Variants in CRYZL1 observed in about 807,000 individuals in gnomAD.
CRYZL1 encodes the protein crystallin zeta like 1, also known as ferry endosomal RAB5 effector complex subunit 4.
CRYZL1 carries 34 observed loss-of-function variants against 50.6 expected under a neutral mutation model. That is an observed-to-expected ratio of 0.67 (90% CI 0.51 to 0.89). CRYZL1 has a LOEUF of 0.89. Ranked by LOEUF, CRYZL1 falls within the 40% of genes least tolerant of loss-of-function variation. The pLI is 0.00. For missense variants in CRYZL1, 354 were observed against 402.3 expected, an observed-to-expected ratio of 0.88 and a Z score of 1.03; for synonymous variants, 125 against 134.3, an observed-to-expected ratio of 0.93 and a Z score of 0.48.
At chr21:33,635,708 G>A (rs1043655247) in intron 1 of CRYZL1, among the ~76,000 whole-genome samples, 7 of 2,206 alleles carry the variant, frequency 3.2e-3, no homozygotes, top group African/African-American at 7.8e-3. Context: ...TGTATAGGCC[G>A]GGCATGGTGC....
intron 9 of CRYZL1, 73 bp from the exon 10 acceptor site, chr21:33,597,474 T>A (rs865955510): frequency 1.3e-5 from 16 of 1,200,916 alleles, no homozygotes; most frequent in Middle Eastern, 5.4e-4. Flanking sequence ...AAAAATTTAT[T>A]CTTCAAACAA....
At chr21:33,604,228 G>A (rs1018640884) in intron 6 of CRYZL1, among the ~76,000 whole-genome samples, 15 of 152,250 alleles carry the variant, frequency 9.9e-5, no homozygotes, top group Non-Finnish European at 1.9e-4. Flanking sequence ...GGTGGCGGGC[G>A]CCTGTATTCC....
At chr21:33,615,972 G>A (rs1248499235) in intron 5 of CRYZL1, among the ~76,000 whole-genome samples, 2 of 152,110 alleles carry the variant, frequency 1.3e-5, no homozygotes, top group Non-Finnish European at 2.9e-5. Context: ...GGGTACATGT[G>A]CACATTGTGC....
intron 9 of CRYZL1, among the ~76,000 whole-genome samples, chr21:33,598,896 G>A (rs2086722540): frequency 6.6e-6 from 1 of 151,042 alleles, no homozygotes; most frequent in Non-Finnish European, 1.5e-5. Flanking sequence ...AATGTGGCCA[G>A]GGAAGCCAAA....
chr21:33,623,282 A>G (rs140807431), intron 3 of CRYZL1, among the ~76,000 whole-genome samples: 8 of 152,182 alleles, frequency 5.3e-5, no homozygotes, highest in East Asian at 1.9e-4. Context: ...TCTTTTATGC[A>G]CATTTGTATG....
At chr21:33,638,792 CTT>C (rs1396876084) in intron 1 of CRYZL1, among the ~76,000 whole-genome samples, 1 of 152,138 alleles carries the variant, frequency 6.6e-6, no homozygotes, top group Non-Finnish European at 1.5e-5. Flanking sequence ...GGCATTATAA[CTT>C]AAAACTAAAT....
At chr21:33,605,601 A>T (rs1439240805) in intron 6 of CRYZL1, among the ~76,000 whole-genome samples, 1 of 119,748 alleles carries the variant, frequency 8.4e-6, no homozygotes, top group Non-Finnish European at 1.6e-5. Flanking sequence ...GGCTCACTGC[A>T]CCCTCCCCCT....
Position 33,589,699 on chromosome 21 carries a change from G to A in CRYZL1, c.*123C>T. 1.5e-6 allele frequency: 1 copy of A among 657,302 alleles called. No homozygotes were observed. The highest frequency in any genetic ancestry group is 1.8e-5 in the African/African-American group (1 of 54,942). The allele number at this position is 657,302 out of a possible 1,614,324, so 40.7% of individuals were successfully genotyped here. A position where few individuals can be genotyped will look rare whatever the true frequency, so the allele number is the denominator to read the frequency against. ...CAACTGAGCATCTTGTCTTAGCAGA[G>A]AAACGTGCTTAAAAATGCAACTTGT... is the stretch of plus-strand genomic sequence containing the variant. On this transcript the variant is annotated 3_prime_UTR_variant, in exon 13 of 13. Transcript: ENST00000381554.
intron 4 of CRYZL1, among the ~76,000 whole-genome samples, chr21:33,617,675 C>T (rs2086949586): frequency 6.6e-6 from 1 of 151,872 alleles, no homozygotes; most frequent in Non-Finnish European, 1.5e-5. Flanking sequence ...GGTACGTGAT[C>T]GGGGGCTGCA....
chr21:33,620,768 C>T (rs1490350647), intron 4 of CRYZL1, among the ~76,000 whole-genome samples: 1 of 151,754 alleles, frequency 6.6e-6, no homozygotes, highest in African/African-American at 2.4e-5. Flanking sequence ...AGACATCACG[C>T]CACTGCACTC....
rs543591579 is a variant in CRYZL1 at position 33,618,893 on chromosome 21, C to T, written c.218-2143G>A. ...ATTCCAAAGGGTTCTTTGTTTACAT[C>T]TCTCCTCCTTTTCTACTCTATCCCT... On this transcript the variant is annotated intron_variant, in intron 4 of 12. Coordinates refer to ENST00000381554, the MANE Select transcript of CRYZL1 (RefSeq NM_145858.3). 2.2e-4 allele frequency among the ~76,000 whole-genome samples: 34 copies of T among 152,184 alleles called. 1 individual carries two copies. The highest frequency in any genetic ancestry group is 2.1e-3 in the South Asian group (10 of 4,818).
intron 6 of CRYZL1, among the ~76,000 whole-genome samples, chr21:33,605,696 A>G (rs746721967): frequency 6.7e-6 from 1 of 149,482 alleles, no homozygotes; most frequent in Non-Finnish European, 1.5e-5. Flanking sequence ...TAATTTTTGT[A>G]TTTTTTTAGT....
intron 11 of CRYZL1, among the ~76,000 whole-genome samples, chr21:33,593,447 T>C (rs1046636321): frequency 6.6e-6 from 1 of 152,188 alleles, no homozygotes; most frequent in Non-Finnish European, 1.5e-5. Context: ...ATAAATTTAC[T>C]AATTCACATC....
chr21:33,598,811 T>G (rs2086721517), intron 9 of CRYZL1, among the ~76,000 whole-genome samples: 1 of 151,946 alleles, frequency 6.6e-6, no homozygotes, highest in South Asian at 2.1e-4. Flanking sequence ...TTTGAGTTTT[T>G]TTTTTTTTTT....
chr21:33,641,520 G>A (rs955618433), intron 1 of CRYZL1, among the ~76,000 whole-genome samples, 161 bp downstream of exon 1: 4 of 152,174 alleles, frequency 2.6e-5, no homozygotes, highest in Non-Finnish European at 5.9e-5. Context: ...CCACCCCTCA[G>A]CGGCCTCAGC....
At chr21:33,641,198 C>T (rs1159972385) in intron 1 of CRYZL1, 4 of 1,550,466 alleles carry the variant, frequency 2.6e-6, no homozygotes, top group East Asian at 2.4e-5. Context: ...CAGATGATTC[C>T]GCCGTTTAGC....
At position 33,602,292 on chromosome 21, in the gene CRYZL1, A is replaced by G. The variant is rs149555906; in HGVS notation, c.519T>C (p.Ile173=). The part of the protein sequence containing the change: ...QLAHHRGAKV[I]STACSLEDKQ... ...TATCTTCAAGGCTGCATGCTGTTGAAATCACTTTGGCTCCTCTATGATGTG... is the reference window on the plus strand; with the variant it reads ...TATCTTCAAGGCTGCATGCTGTTGAGATCACTTTGGCTCCTCTATGATGTG... The change falls in exon 8 of 13, where the codon ATT becomes ATC. Residue 173 remains isoleucine (I), a synonymous_variant. Coordinates refer to ENST00000381554, the MANE Select transcript of CRYZL1 (RefSeq NM_145858.3). The G allele has an allele frequency of 4.9e-4, 798 of 1,613,160 alleles. No individual in the cohort carries two copies. Among genetic ancestry groups the G allele is most frequent in the Non-Finnish European group, 6.2e-4 (737 of 1,179,224 alleles).
In CRYZL1 at chr21:33,597,375, G is replaced by A. The variant is rs2086705405; in HGVS notation, c.703C>T (p.Pro235Ser). 2.5e-6 allele frequency: 4 copies of A among 1,592,662 alleles called. No homozygotes were observed. The highest frequency in any genetic ancestry group is 3.4e-6 in the Non-Finnish European group (4 of 1,160,682). ...GGTAGTAGTTGTAGTTTTACAGCTG[G>A]TTCATCATCTTTACTATATAATCTC... Reference protein sequence around the residue: ...GVRLYSKDDEPAVKLQLLPHK... With the variant: ...GVRLYSKDDESAVKLQLLPHK... Residue 235 changes from proline to serine, a missense_variant, in exon 10 of 13, where the codon CCA (proline) becomes TCA (serine). Transcript: ENST00000381554.
At chr21:33,627,125 C>T (rs374058997) in intron 2 of CRYZL1, among the ~76,000 whole-genome samples, 1 of 152,242 alleles carries the variant, frequency 6.6e-6, no homozygotes, top group East Asian at 1.9e-4. Context: ...AGAAGCCAAG[C>T]TGTCTGAAAC....
Sources: allele counts gnomAD v4.1 joint callset (sites outside exome capture counted in the v4.1 genomes callset), GRCh38; gene constraint gnomAD v4.1.1; transcripts MANE v1.5; gene names NCBI Gene and HGNC (gene_info 2026-07-23, HGNC 2026-07-21).